ESRRG: variants seen among roughly 807,000 people sequenced by gnomAD.
ESRRG encodes estrogen related receptor gamma, also known as estrogen-related receptor gamma.
Under a neutral mutation model 44.0 loss-of-function variants are expected in ESRRG, and 13 were observed. The ratio of observed to expected loss-of-function variants is 0.30; its 90% CI spans 0.19 to 0.47. The LOEUF (loss-of-function observed/expected upper bound fraction) is 0.47. Among genes scored for constraint, ESRRG ranks in the 20% least tolerant of loss-of-function variants. The pLI, the probability that ESRRG is intolerant of heterozygous loss-of-function variation, is 1.00. For missense variants in ESRRG, 395 were observed against 580.6 expected (o/e 0.68, Z 3.29); for synonymous variants, 215 against 214.6 (o/e 1.00, Z -0.02).
intron 3 of ESRRG, among the ~76,000 whole-genome samples, chr1:216,647,774 C>T (rs964446281): frequency 3.3e-5 from 5 of 152,092 alleles, no homozygotes; most frequent in Non-Finnish European, 7.4e-5. Context: ...ATCAACTACC[C>T]TTTTAATGAA....
At position 216,511,751 on chromosome 1, in the gene ESRRG, T is replaced by C. The variant is rs145132759; in HGVS notation, c.1133-4568A>G. 3.0e-3 allele frequency among the ~76,000 whole-genome samples: 463 copies of C among 152,236 alleles called. 2 individuals are homozygous for C. The highest frequency in any genetic ancestry group is 0.01 in the African/African-American group (435 of 41,528). The stretch of plus-strand genomic sequence containing the variant: ...ACATGGAATATTTTGTCACACCGAA[T>C]AGAAAGGATATTATCTAGAACTACG... On this transcript the variant is annotated intron_variant, in intron 6 of 6. Coordinates refer to ENST00000408911, the MANE Select transcript of ESRRG (RefSeq NM_001438.4).
At position 216,923,821 on chromosome 1, in the gene ESRRG, G is replaced by A. The variant is rs1315100468; in HGVS notation, c.-14+15761C>T. On this transcript the variant is annotated intron_variant, in intron 2 of 7. Transcript: ENST00000359162. ...GAAGGGCCTCTTTAACACTGAATTG[G>A]ATTTTCGGGTTCAGTGTCAGAAATG... Among the ~76,000 whole-genome samples the A allele has an allele frequency of 2.6e-5, 4 of 152,146 alleles. No individual in the cohort carries two copies. In the East Asian group the frequency reaches 7.7e-4, roughly 29 times the overall value.
At chr1:217,047,723 G>T (rs1165631411) in intron 1 of ESRRG, among the ~76,000 whole-genome samples, 1 of 152,130 alleles carries the variant, frequency 6.6e-6, no homozygotes, top group African/African-American at 2.4e-5. Flanking sequence ...AAATTTTTCA[G>T]CTTTGAGTCT....
chr1:216,616,554 G>GT (rs2061451503), intron 3 of ESRRG, among the ~76,000 whole-genome samples: 1 of 152,138 alleles, frequency 6.6e-6, no homozygotes, highest in Non-Finnish European at 1.5e-5. Context: ...TGTGATGACA[G>GT]AGGGCAGTCA....
intron 5 of ESRRG, among the ~76,000 whole-genome samples, chr1:216,558,791 G>T (rs1004249009): frequency 2.0e-5 from 3 of 151,846 alleles, no homozygotes; most frequent in Admixed American, 6.6e-5. Flanking sequence ...CAGGTATACA[G>T]GTATATAACT....
intron 1 of ESRRG, among the ~76,000 whole-genome samples, chr1:217,011,352 G>A (rs1379500748): frequency 1.3e-5 from 2 of 152,160 alleles, no homozygotes. Context: ...GTTTATTGGT[G>A]GACACTACAA....
chr1:216,667,102 C>A (rs551834109), intron 2 of ESRRG, among the ~76,000 whole-genome samples: 4 of 152,338 alleles, frequency 2.6e-5, no homozygotes, highest in Admixed American at 2.0e-4. Context: ...GCTGCACCCA[C>A]AGTCAGCACC....
chr1:216,961,930 C>T (rs1033780504), intron 1 of ESRRG, among the ~76,000 whole-genome samples: 1 of 152,098 alleles, frequency 6.6e-6, no homozygotes, highest in African/African-American at 2.4e-5. Flanking sequence ...ACAGATTATT[C>T]ACTTTAAAGG....
At chr1:216,975,502 C>T (rs965544614) in intron 1 of ESRRG, among the ~76,000 whole-genome samples, 9 of 152,178 alleles carry the variant, frequency 5.9e-5, no homozygotes, top group Admixed American at 2.0e-4. Context: ...GCCAATTTGG[C>T]GGAAAATCTT....
chr1:216,736,996 C>T (rs1366456453), intron 2 of ESRRG, among the ~76,000 whole-genome samples: 4 of 152,152 alleles, frequency 2.6e-5, no homozygotes, highest in Admixed American at 1.3e-4. Context: ...CCAGCCCCTA[C>T]GTTTTTTAAA....
chr1:216,935,421 G>A (rs1294885098), intron 2 of ESRRG, among the ~76,000 whole-genome samples: 1 of 152,102 alleles, frequency 6.6e-6, no homozygotes, highest in Non-Finnish European at 1.5e-5. Flanking sequence ...GCTTGTACTG[G>A]TTTATTATAT....
At chr1:216,938,882 G>A (rs1024559729) in intron 2 of ESRRG, among the ~76,000 whole-genome samples, 3 of 152,172 alleles carry the variant, frequency 2.0e-5, no homozygotes, top group East Asian at 1.9e-4. Context: ...TATGATCCTC[G>A]TATGATAGTC....
intron 2 of ESRRG, among the ~76,000 whole-genome samples, chr1:216,858,743 G>A (rs1559892562): frequency 6.6e-6 from 1 of 152,160 alleles, no homozygotes; most frequent in Non-Finnish European, 1.5e-5. Flanking sequence ...GCAGAGTTGA[G>A]ATTTGAATCA....
intron 1 of ESRRG, among the ~76,000 whole-genome samples, chr1:216,955,024 C>T (rs1368043572): frequency 6.6e-6 from 1 of 152,050 alleles, no homozygotes; most frequent in African/African-American, 2.4e-5. Context: ...ATCATCATAA[C>T]CATTTATCAC....
chr1:216,923,264 T>G (rs1353713535), intron 2 of ESRRG, among the ~76,000 whole-genome samples: 1 of 152,194 alleles, frequency 6.6e-6, no homozygotes, highest in Non-Finnish European at 1.5e-5. Flanking sequence ...TCAGTGCCAT[T>G]CTTAACACTA....
intron 3 of ESRRG, among the ~76,000 whole-genome samples, chr1:216,635,448 T>G (rs1454339553): frequency 1.3e-5 from 2 of 152,196 alleles, no homozygotes; most frequent in Non-Finnish European, 2.9e-5. Context: ...ATAGAAGTGC[T>G]TTCTTCACCT....
chr1:216,643,856 G>C (rs2066954594), intron 3 of ESRRG, among the ~76,000 whole-genome samples: 1 of 152,044 alleles, frequency 6.6e-6, no homozygotes, highest in Non-Finnish European at 1.5e-5. Flanking sequence ...GCTGCTTATT[G>C]GGATTTCCAG....
chr1:216,715,267 G>A, intron 1 of ESRRG: 1 of 984,512 alleles, frequency 1.0e-6, no homozygotes. Context: ...TAAAAGGGAT[G>A]TTTCCGTCAT....
At chr1:216,945,981 T>C (rs2065991179) in intron 1 of ESRRG, among the ~76,000 whole-genome samples, 1 of 152,170 alleles carries the variant, frequency 6.6e-6, no homozygotes, top group African/African-American at 2.4e-5. Flanking sequence ...AGCTTACTTT[T>C]CACCATCATA....
Sources: allele counts gnomAD v4.1 joint callset (sites outside exome capture counted in the v4.1 genomes callset), GRCh38; gene constraint gnomAD v4.1.1; transcripts MANE v1.5; gene names NCBI Gene and HGNC (gene_info 2026-07-23, HGNC 2026-07-21).